GLIS3: variants seen among roughly 807,000 people sequenced by gnomAD.
The protein encoded by GLIS3 is zinc finger protein GLIS3.
GLIS3 carries 53 observed loss-of-function variants against 78.6 expected under a neutral mutation model. The ratio of observed to expected loss-of-function variants is 0.67; its 90% CI spans 0.54 to 0.85. GLIS3 has a LOEUF of 0.85. GLIS3 is among the 40% of genes least tolerant of loss of function. GLIS3 has a pLI of 0.00. For synonymous variants in GLIS3, 684 were observed against 509.9 expected (o/e 1.34, Z -4.60); for missense variants, 1,703 against 1,231.1 (o/e 1.38, Z -5.74).
At chr9:4,019,285 G>T (rs908179803) in intron 4 of GLIS3, among the ~76,000 whole-genome samples, 2 of 152,150 alleles carry the variant, frequency 1.3e-5, no homozygotes, top group African/African-American at 4.8e-5. Flanking sequence ...TCATTAGAAG[G>T]TAATGGTGGC....
rs374793480 is a variant in GLIS3, at chr9:4,018,171, T to C, written c.1711-80982A>G. Reference sequence around the variant, plus strand: ...GAAGGCAGGAAGAAAGGAAAGGAGGTAGGAAAACTGAAATCAACTTGACTG... The same window carrying C: ...GAAGGCAGGAAGAAAGGAAAGGAGGCAGGAAAACTGAAATCAACTTGACTG... On this transcript the variant is annotated intron_variant, in intron 4 of 10. Coordinates refer to ENST00000381971, the MANE Select transcript of GLIS3 (RefSeq NM_001042413.2). 4.6e-5 allele frequency among the ~76,000 whole-genome samples: 7 copies of C among 152,188 alleles called. No individual in the cohort carries two copies. In the East Asian group the frequency reaches 5.8e-4, roughly 13 times the overall value.
chr9:4,021,824 G>T (rs1176073277), intron 4 of GLIS3, among the ~76,000 whole-genome samples: 3 of 152,076 alleles, frequency 2.0e-5, no homozygotes, highest in Non-Finnish European at 4.4e-5. Flanking sequence ...CTTCACCAGG[G>T]GAATTCACAA....
At chr9:4,015,965 T>C (rs1032068260) in intron 4 of GLIS3, among the ~76,000 whole-genome samples, 18 of 151,124 alleles carry the variant, frequency 1.2e-4, no homozygotes, top group African/African-American at 4.2e-4. Context: ...TAAATAGGAA[T>C]TTGGTAAATA....
At chr9:3,872,924 G>A (rs1021203481) in intron 8 of GLIS3, among the ~76,000 whole-genome samples, 1 of 152,030 alleles carries the variant, frequency 6.6e-6, no homozygotes, top group Admixed American at 6.6e-5. Flanking sequence ...AAAGATATGA[G>A]CAGAATAAAA....
At chr9:4,372,680 TG>T in the GLIS3 span, among the ~76,000 whole-genome samples, 6 of 152,308 alleles carry the variant, frequency 3.9e-5, no homozygotes, top group African/African-American at 7.2e-5. Context: ...GAGAAAGTCT[TG>T]TGGCTTGGGG....
At chr9:4,364,779 TA>T in the GLIS3 span, among the ~76,000 whole-genome samples, 2 of 128,362 alleles carry the variant, frequency 1.6e-5, no homozygotes, top group Non-Finnish European at 3.2e-5. Context: ...TTTTTTTTTT[TA>T]AAGAGACAGG....
In GLIS3 at chr9:4,203,655, G is replaced by A. The variant is rs78463355; in HGVS notation, c.389-77714C>T. Among the ~76,000 whole-genome samples the A allele has an allele frequency of 1.3e-3, 191 of 152,280 alleles. 5 individuals are homozygous for A. In the East Asian group the frequency reaches 0.032, roughly 25 times the overall value. ...TTCAACCAAAAAGATATATGCACTC[G>A]TGTGTTCACTGCAGCACTATTCACA... On this transcript the variant is annotated intron_variant, in intron 2 of 10. Transcript: ENST00000381971.
chr9:4,266,293 C>A (rs1826001430), intron 2 of GLIS3, among the ~76,000 whole-genome samples: 2 of 151,882 alleles, frequency 1.3e-5, no homozygotes, highest in Admixed American at 1.3e-4. Flanking sequence ...AAAAAAAAAT[C>A]TTTGCTTCAA....
At chr9:3,982,528 G>A (rs986126272) in intron 4 of GLIS3, among the ~76,000 whole-genome samples, 1 of 152,164 alleles carries the variant, frequency 6.6e-6, no homozygotes, top group African/African-American at 2.4e-5. Context: ...AAACACAGGG[G>A]AAGCTTCTTC....
chr9:3,890,180 A>C (rs957386717), intron 7 of GLIS3, among the ~76,000 whole-genome samples: 7 of 152,114 alleles, frequency 4.6e-5, no homozygotes, highest in Non-Finnish European at 8.8e-5. Context: ...CACTCTCACA[A>C]ATTCACTGTT....
intron 8 of GLIS3, among the ~76,000 whole-genome samples, chr9:3,864,972 C>T (rs1375384179): frequency 6.6e-6 from 1 of 152,140 alleles, no homozygotes; most frequent in African/African-American, 2.4e-5. Flanking sequence ...AACTTGGTGC[C>T]AATTCCTGTG....
chr9:4,355,724 A>T, the GLIS3 span, among the ~76,000 whole-genome samples: 25 of 152,214 alleles, frequency 1.6e-4, no homozygotes, highest in African/African-American at 6.0e-4. Flanking sequence ...ATTGAGCAGC[A>T]GCTGGAATGA....
At chr9:3,926,757 G>C (rs369050368) in intron 6 of GLIS3, among the ~76,000 whole-genome samples, 1 of 152,000 alleles carries the variant, frequency 6.6e-6, no homozygotes, top group South Asian at 2.1e-4. Context: ...CAAGTAGCTG[G>C]GATTACAGGC....
At chr9:4,177,556 T>C (rs1816921304) in intron 2 of GLIS3, among the ~76,000 whole-genome samples, 1 of 152,204 alleles carries the variant, frequency 6.6e-6, no homozygotes. Context: ...GCTTCTGAGA[T>C]ACCACAGAGG....
intron 2 of GLIS3, among the ~76,000 whole-genome samples, chr9:4,183,496 T>A (rs1817510415): frequency 6.6e-6 from 1 of 152,204 alleles, no homozygotes; most frequent in Non-Finnish European, 1.5e-5. Context: ...CACACTATAC[T>A]GAAGGAAGCA....
intron 6 of GLIS3, among the ~76,000 whole-genome samples, chr9:3,900,163 G>C (rs903062538): frequency 2.0e-5 from 3 of 146,904 alleles, no homozygotes; most frequent in Non-Finnish European, 4.5e-5. Flanking sequence ...GTTGGATAAA[G>C]CCTTGACTTG....
chr9:4,384,617 T>C, the GLIS3 span, among the ~76,000 whole-genome samples: 1 of 151,578 alleles, frequency 6.6e-6, no homozygotes, highest in Non-Finnish European at 1.5e-5. Flanking sequence ...TCTAATTTCT[T>C]CCCTGGACAG....
At chr9:4,378,467 T>C in the GLIS3 span, among the ~76,000 whole-genome samples, 1 of 152,120 alleles carries the variant, frequency 6.6e-6, no homozygotes, top group Non-Finnish European at 1.5e-5. Context: ...TTCCTGACTC[T>C]GGGAAGAACC....
intron 4 of GLIS3, among the ~76,000 whole-genome samples, chr9:4,070,037 C>T (rs1241284915): frequency 6.6e-6 from 1 of 151,980 alleles, no homozygotes; most frequent in Non-Finnish European, 1.5e-5. Context: ...CAGCCACAGT[C>T]CATTTTGTCC....
Sources: allele counts gnomAD v4.1 joint callset (sites outside exome capture counted in the v4.1 genomes callset), GRCh38; gene constraint gnomAD v4.1.1; transcripts MANE v1.5; gene names NCBI Gene and HGNC (gene_info 2026-07-23, HGNC 2026-07-21).